Variants in RFX2 observed in about 807,000 individuals in gnomAD.
RFX2 encodes the protein DNA-binding protein RFX2.
A neutral mutation model predicts 87.8 loss-of-function variants in RFX2; 20 were observed. The ratio of observed to expected loss-of-function variants is 0.23; its 90% CI spans 0.16 to 0.33. The LOEUF (loss-of-function observed/expected upper bound fraction) is 0.33. Among genes scored for constraint, RFX2 ranks in the 10% least tolerant of loss-of-function variants. The pLI is 1.00. For missense variants in RFX2, 767 were observed against 1,012.3 expected (o/e 0.76, Z 3.29); for synonymous variants, 397 against 431.3 (o/e 0.92, Z 0.98).
chr19:6,061,936 G>A lies in RFX2; in HGVS notation c.-8-14432C>T, dbSNP rs565234062. Among the ~76,000 whole-genome samples the A allele has an allele frequency of 3.2e-4, 49 of 152,256 alleles. No individual in the cohort carries two copies. In the South Asian group the frequency reaches 1.0e-2, roughly 31 times the overall value. ...GCGGGAGGATCCATTGAACCCAGGAGTTCGAGACCAGCCTGGGCAACATAG... is the reference window on the plus strand; with the variant it reads ...GCGGGAGGATCCATTGAACCCAGGAATTCGAGACCAGCCTGGGCAACATAG... On this transcript the variant is annotated intron_variant, in intron 1 of 17. Coordinates refer to ENST00000303657, the MANE Select transcript of RFX2 (RefSeq NM_000635.4). This position sits in a 1 kb window ranked among gnomAD's most constrained non-coding sequence, Gnocchi z 5.2.
rs1316827731 is a variant in RFX2, at chr19:6,027,786, A to C, written c.523-1549T>G. Among the ~76,000 whole-genome samples the C allele has an allele frequency of 6.6e-6, 1 of 152,212 alleles. No homozygotes were observed. On this transcript the variant is annotated intron_variant, in intron 5 of 17. Transcript: ENST00000303657. This position sits in a 1 kb window ranked among gnomAD's most constrained non-coding sequence, Gnocchi z 5.0. ...TTTACTTATCTTTTTCTTGAGCCAG[A>C]GTCTTACTCTGTTTCCCAGGCTGGA...
rs760538419 is a variant in RFX2 at position 6,020,368 on chromosome 19, G to A, written c.598-4097C>T. 7.2e-5 allele frequency: 11 copies of A among 151,732 alleles called. No individual in the cohort carries two copies. Among genetic ancestry groups the A allele is most frequent in the Non-Finnish European group, 1.2e-4 (8 of 68,040 alleles). The allele number at this position is 151,732 out of a possible 1,614,324, so 9.4% of individuals were successfully genotyped here. Reference sequence around the variant, plus strand: ...GGATGCATAGTTGTCTTGACAGCAAGTCCTTCTTGCTCAACATCAAGAAAC... The same window carrying A: ...GGATGCATAGTTGTCTTGACAGCAAATCCTTCTTGCTCAACATCAAGAAAC... On this transcript the variant is annotated intron_variant, in intron 6 of 17. Coordinates refer to ENST00000303657, the MANE Select transcript of RFX2 (RefSeq NM_000635.4). The surrounding 1 kb of genome is among the most constrained non-coding windows in gnomAD (Gnocchi z 5.3).
rs2087193959 is a variant in RFX2 at position 6,046,604 on chromosome 19, C to G, written c.90+803G>C. On this transcript the variant is annotated intron_variant, in intron 2 of 17. Coordinates refer to ENST00000303657, the MANE Select transcript of RFX2 (RefSeq NM_000635.4). ...TTCTAACTCATCTTTTGCCTTTTTG[C>G]CTTTTTTTTTTTTTTTTTTTTTTTT... is the stretch of plus-strand genomic sequence containing the variant. Among the ~76,000 whole-genome samples, 5 of 131,942 alleles carry G rather than the reference C, an allele frequency of 3.8e-5. No homozygotes were observed. In the East Asian group the frequency reaches 1.0e-3, roughly 27 times the overall value. 86.6% of individuals were successfully genotyped at this position (131,942 alleles called of 152,430 possible). A position where few individuals can be genotyped will look rare whatever the true frequency, so the allele number is the denominator to read the frequency against.
In RFX2 at chr19:5,993,798, G is replaced by A. The variant is rs1366820611; in HGVS notation, c.*1037C>T. On this transcript the variant is annotated 3_prime_UTR_variant, in exon 18 of 18. Transcript: ENST00000303657. ...TTGTTTGTCCCGAGAGAAGAGTTTTGACTTTGAAGAGGTCCAGGTGGGACT... is the reference window on the plus strand; with the variant it reads ...TTGTTTGTCCCGAGAGAAGAGTTTTAACTTTGAAGAGGTCCAGGTGGGACT... The A allele has an allele frequency of 6.6e-6, 1 of 152,186 alleles. No homozygotes were observed. Among genetic ancestry groups the A allele is most frequent in the Admixed American group, 6.5e-5 (1 of 15,272 alleles). 9.4% of individuals were successfully genotyped at this position (152,186 alleles called of 1,614,324 possible). A position where few individuals can be genotyped will look rare whatever the true frequency, so the allele number is the denominator to read the frequency against.
At position 6,010,894 on chromosome 19, in the gene RFX2, A is replaced by C. The variant is rs2144696357; in HGVS notation, c.900-643T>G. 6.6e-6 allele frequency among the ~76,000 whole-genome samples: 1 copy of C among 152,274 alleles called. No homozygotes were observed. The highest frequency in any genetic ancestry group is 6.5e-5 in the Admixed American group (1 of 15,284). Reference sequence around the variant, plus strand: ...TGCTTTGGGAGGCCGAGGCAGGTGGATCATCTGAGGTCGGGAGTTCGAGAC... The same window carrying C: ...TGCTTTGGGAGGCCGAGGCAGGTGGCTCATCTGAGGTCGGGAGTTCGAGAC... On this transcript the variant is annotated intron_variant, in intron 8 of 17. Transcript: ENST00000303657. This position sits in a 1 kb window ranked among gnomAD's most constrained non-coding sequence, Gnocchi z 5.0.
In RFX2 at chr19:6,002,231, C is replaced by T. The variant is rs186425744; in HGVS notation, c.1651-208G>A. On this transcript the variant is annotated intron_variant, in intron 14 of 17. Transcript: ENST00000303657. The surrounding 1 kb of genome is among the most constrained non-coding windows in gnomAD (Gnocchi z 6.7). ...GGATCGTACCCGGCTTCCGGGGACT[C>T]ATACCCAGGTCTTTCTGGATCAAAG... 1.5e-3 allele frequency among the ~76,000 whole-genome samples: 223 copies of T among 152,386 alleles called. 2 individuals are homozygous for T. Among genetic ancestry groups the T allele is most frequent in the Admixed American group, 2.9e-3 (44 of 15,308 alleles).
At chr19:6,106,261 A>G (rs2144917968) in intron 1 of RFX2, among the ~76,000 whole-genome samples, 1 of 151,530 alleles carries the variant, frequency 6.6e-6, no homozygotes, top group Non-Finnish European at 1.5e-5. Context: ...CCATCCATCC[A>G]TCCATCCAAC....
At chr19:6,033,495 G>A (rs1267573620) in intron 5 of RFX2, among the ~76,000 whole-genome samples, 1 of 151,510 alleles carries the variant, frequency 6.6e-6, no homozygotes, top group Admixed American at 6.6e-5. Context: ...GTGAAAAATA[G>A]TGCTTTTTGT....
In RFX2 at chr19:5,997,519, C is replaced by T. The variant is rs1311647488; in HGVS notation, c.1860-306G>A. ...GGGAAACAACTGTGGCTGGTGCTAGCGCAGGCGCTAGATGGGATCTTAGCT... is the reference window on the plus strand; with the variant it reads ...GGGAAACAACTGTGGCTGGTGCTAGTGCAGGCGCTAGATGGGATCTTAGCT... On this transcript the variant is annotated intron_variant, in intron 15 of 17. Transcript: ENST00000303657. The surrounding 1 kb of genome is among the most constrained non-coding windows in gnomAD (Gnocchi z 4.2). 5.9e-6 allele frequency: 2 copies of T among 336,344 alleles called. No homozygotes were observed. The highest frequency in any genetic ancestry group is 4.5e-5 in the Admixed American group (1 of 22,146). The allele number at this position is 336,344 out of a possible 1,614,324, so 20.8% of individuals were successfully genotyped here. A position where few individuals can be genotyped will look rare whatever the true frequency, so the allele number is the denominator to read the frequency against.
intron 1 of RFX2, among the ~76,000 whole-genome samples, chr19:6,075,316 C>A (rs1011560529): frequency 4.0e-5 from 6 of 151,482 alleles, no homozygotes; most frequent in African/African-American, 1.2e-4. Context: ...CTTAGAGACA[C>A]AAGGAGGCCA....
chr19:6,014,302 C>T (rs559356617), intron 7 of RFX2, among the ~76,000 whole-genome samples: 94 of 152,184 alleles, frequency 6.2e-4, no homozygotes, highest in African/African-American at 2.1e-3. Context: ...AGTGCGATCT[C>T]GGCTCACTGC....
In RFX2 at chr19:6,061,825, G is replaced by T. The variant is rs915215017; in HGVS notation, c.-8-14321C>A. Among the ~76,000 whole-genome samples the T allele has an allele frequency of 6.6e-6, 1 of 152,120 alleles. No individual in the cohort carries two copies. The highest frequency in any genetic ancestry group is 1.5e-5 in the Non-Finnish European group (1 of 68,030). ...CTTCATCTGAGAAAGGGGCTGGGAG[G>T]GGGAAGGGAATGATATAGCTGATGT... On this transcript the variant is annotated intron_variant, in intron 1 of 17. Transcript: ENST00000303657. This position sits in a 1 kb window ranked among gnomAD's most constrained non-coding sequence, Gnocchi z 5.2.
intron 1 of RFX2, chr19:6,076,949 T>C (rs2087701030): frequency 6.6e-6 from 1 of 152,232 alleles, no homozygotes; most frequent in African/African-American, 2.4e-5. Flanking sequence ...TCCTTCTAGA[T>C]GAACACTACT....
chr19:6,046,122 C>T (rs767882059), intron 2 of RFX2, among the ~76,000 whole-genome samples: 42 of 152,180 alleles, frequency 2.8e-4, no homozygotes, highest in Non-Finnish European at 6.0e-4. Flanking sequence ...TTCATGTGGC[C>T]GGTGCCATTC....
At position 6,007,779 on chromosome 19, in the gene RFX2, G is replaced by A; in HGVS notation, c.1158C>T (p.Asn386=). 1 of 1,553,556 alleles carries A rather than the reference G, an allele frequency of 6.4e-7. No individual in the cohort carries two copies. Among genetic ancestry groups the A allele is most frequent in the South Asian group, 1.2e-5 (1 of 84,260 alleles). The part of the protein sequence containing the change: ...HCEATVDVVM[N]LQFHYIEKLW... ...GCTTCTCGATGTAGTGGAACTGGAG[G>A]TTCATCACCACATCTACAGTTGCCT... The change falls in exon 11 of 18, where the codon AAC becomes AAT. Residue 386 remains asparagine, a synonymous_variant. Coordinates refer to ENST00000303657, the MANE Select transcript of RFX2 (RefSeq NM_000635.4). The surrounding 1 kb of genome is among the most constrained non-coding windows in gnomAD (Gnocchi z 8.2).
At chr19:6,037,141 G>A (rs567037601) in intron 5 of RFX2, among the ~76,000 whole-genome samples, 21 of 151,994 alleles carry the variant, frequency 1.4e-4, no homozygotes, top group Admixed American at 1.0e-3. Flanking sequence ...AAAATTAGCC[G>A]GGAGTGGTGG....
chr19:6,077,199 A>G (rs2087704667), intron 1 of RFX2: 1 of 152,220 alleles, frequency 6.6e-6, no homozygotes, highest in South Asian at 2.1e-4. Flanking sequence ...AAATCTCTTT[A>G]GTTCTCCAAA....
chr19:6,001,751 T>C lies in RFX2; in HGVS notation c.1859+64A>G, dbSNP rs1317046837. On this transcript the variant is annotated intron_variant, in intron 15 of 17. Coordinates refer to ENST00000303657, the MANE Select transcript of RFX2 (RefSeq NM_000635.4). This position sits in a 1 kb window ranked among gnomAD's most constrained non-coding sequence, Gnocchi z 5.6. ...AGCTCACCAGCCGAGCCCCCTACCC[T>C]CTAGAAGTTTCTCTCAGAGCCCCCC... 1 of 1,431,524 alleles carries C rather than the reference T, an allele frequency of 7.0e-7. No homozygotes were observed. The highest frequency in any genetic ancestry group is 9.6e-7 in the Non-Finnish European group (1 of 1,046,268). The allele number at this position is 1,431,524 out of a possible 1,614,324, so 88.7% of individuals were successfully genotyped here.
In RFX2 at chr19:6,026,205, G is replaced by A. The variant is rs778035319; in HGVS notation, c.555C>T (p.Ser185=). The A allele has an allele frequency of 1.4e-5, 22 of 1,613,092 alleles. No homozygotes were observed. The highest frequency in any genetic ancestry group is 8.4e-5 in the Admixed American group (5 of 59,870). The change falls in exon 6 of 18, where the codon AGC becomes AGT. Residue 185 remains serine (S), a synonymous_variant. Transcript: ENST00000303657. This position sits in a 1 kb window ranked among gnomAD's most constrained non-coding sequence, Gnocchi z 4.5. The part of the protein sequence containing the change: ...LEMAIENLQK[S]EGITSHKSGL... Reference sequence around the variant, plus strand: ...CGCTTTTGTGTGATGTGATTCCTTCGCTTTTTTGGAGGTTTTCAATCGCCA... The same window carrying A: ...CGCTTTTGTGTGATGTGATTCCTTCACTTTTTTGGAGGTTTTCAATCGCCA...
Sources: allele counts gnomAD v4.1 joint callset (sites outside exome capture counted in the v4.1 genomes callset), GRCh38; gene constraint gnomAD v4.1.1; non-coding constraint Gnocchi (gnomAD v3.1); transcripts MANE v1.5; gene names NCBI Gene and HGNC (gene_info 2026-07-23, HGNC 2026-07-21).